Variants in CRB1 observed in about 807,000 individuals in gnomAD.
CRB1 encodes crumbs cell polarity complex component 1, also known as protein crumbs homolog 1.
A neutral mutation model predicts 120.0 loss-of-function variants in CRB1; 83 were observed. The ratio of observed to expected loss-of-function variants is 0.69; its 90% confidence interval spans 0.58 to 0.83. The LOEUF (loss-of-function observed/expected upper bound fraction) is 0.83, where lower values mean the gene tolerates loss of function less well. Among genes scored for constraint, CRB1 ranks in the 40% least tolerant of loss-of-function variants. The pLI, the probability that CRB1 is intolerant of heterozygous loss-of-function variation, is 0.00. For synonymous variants in CRB1, 625 were observed against 612.5 expected (o/e 1.02, Z -0.30); for missense variants, 1,699 against 1,687.6 (o/e 1.01, Z -0.12).
chr1:197,428,933 C>G, intron 7 of CRB1: 4 of 1,512,868 alleles, frequency 2.6e-6, no homozygotes, highest in Non-Finnish European at 3.5e-6. Flanking sequence ...TGTGAGCAAC[C>G]TTGTGAGAAC....
Position 197,435,136 on chromosome 1 carries a change from G to T in CRB1, c.3273G>T (p.Lys1091Asn). The T allele has an allele frequency of 6.2e-7, 1 of 1,613,842 alleles. No individual in the cohort carries two copies. The highest frequency in any genetic ancestry group is 8.5e-7 in the Non-Finnish European group (1 of 1,179,838). Reference sequence around the variant, plus strand: ...GAGACAGAGCTATTGACAATATAAAGGGCCTGCAAGGGTGTCTAAGTACAA... The same window carrying T: ...GAGACAGAGCTATTGACAATATAAATGGCCTGCAAGGGTGTCTAAGTACAA... Reference protein sequence around the residue: ...YVGDRAIDNIKGLQGCLSTIE... With the variant: ...YVGDRAIDNINGLQGCLSTIE... The change falls in exon 9 of 12, where the codon AAG becomes AAT. Residue 1091 changes from lysine (K) to asparagine (N), a missense_variant. Physicochemically the swap from Lys to Asn is moderately conservative, Grantham distance 94. Transcript: ENST00000367400.
intron 2 of CRB1, among the ~76,000 whole-genome samples, chr1:197,341,811 C>G (rs576699135): frequency 2.6e-5 from 4 of 152,142 alleles, no homozygotes; most frequent in Non-Finnish European, 5.9e-5. Context: ...GAGTCCTTAT[C>G]TCCATGATTC....
chr1:197,395,443 G>C (rs1158592769), intron 5 of CRB1, among the ~76,000 whole-genome samples: 1 of 152,112 alleles, frequency 6.6e-6, no homozygotes, highest in African/African-American at 2.4e-5. Context: ...AAGATTGCAT[G>C]ATATGCACTA....
At chr1:197,330,585 C>T (rs572278337) in intron 2 of CRB1, among the ~76,000 whole-genome samples, 197 of 152,316 alleles carry the variant, frequency 1.3e-3, no homozygotes, top group Non-Finnish European at 2.2e-3. Context: ...CCTCACTTCA[C>T]AATGTCTACT....
rs181807834 is a variant in CRB1, at chr1:197,332,753, C to T, written c.652+3750C>T. ...TCTAATGTATAGCCAGGGCTGGCGG[C>T]CAAATATTAAGTTCATGTGAGCTTT... On this transcript the variant is annotated intron_variant, in intron 2 of 11. Transcript: ENST00000367400. Among the ~76,000 whole-genome samples the T allele has an allele frequency of 2.4e-3, 366 of 152,258 alleles. 1 individual carries two copies. The highest frequency in any genetic ancestry group is 8.3e-3 in the African/African-American group (344 of 41,548).
intron 5 of CRB1, among the ~76,000 whole-genome samples, chr1:197,377,420 T>C (rs1240728649): frequency 6.6e-6 from 1 of 152,188 alleles, no homozygotes. Context: ...GACTCTCAGT[T>C]GTAAGCATTG....
intron 5 of CRB1, among the ~76,000 whole-genome samples, chr1:197,366,032 A>G (rs900866693): frequency 6.6e-6 from 1 of 152,124 alleles, no homozygotes; most frequent in African/African-American, 2.4e-5. Flanking sequence ...GTGTTATAGT[A>G]GTATAAAGAA....
intron 4 of CRB1, among the ~76,000 whole-genome samples, chr1:197,352,445 A>G (rs1191729846): frequency 1.3e-5 from 2 of 152,238 alleles, no homozygotes; most frequent in Admixed American, 1.3e-4. Context: ...GAGTCTTAGA[A>G]TGAGAAGAAA....
chr1:197,280,930 A>C (rs1254991758), intron 1 of CRB1, among the ~76,000 whole-genome samples: 1 of 151,912 alleles, frequency 6.6e-6, no homozygotes, highest in Non-Finnish European at 1.5e-5. Context: ...GGATTAAAAA[A>C]TTTAATATGT....
chr1:197,337,939 G>C (rs1347061297), intron 2 of CRB1, among the ~76,000 whole-genome samples: 1 of 151,854 alleles, frequency 6.6e-6, no homozygotes, highest in South Asian at 2.1e-4. Context: ...TCCTAATGAA[G>C]AGAAACATAA....
the CRB1 span, among the ~76,000 whole-genome samples, chr1:197,254,240 G>A: frequency 3.9e-5 from 6 of 152,022 alleles, no homozygotes; most frequent in Admixed American, 1.3e-4. Context: ...ACCCAAGTTC[G>A]CCAAAGTAAA....
chr1:197,354,659 G>A (rs1465115365), intron 4 of CRB1, among the ~76,000 whole-genome samples: 1 of 152,036 alleles, frequency 6.6e-6, no homozygotes, highest in Non-Finnish European at 1.5e-5. Context: ...CATGGTGAGT[G>A]CTACAGCTCA....
At position 197,386,113 on chromosome 1, in the gene CRB1, G is replaced by A. The variant is rs544992947; in HGVS notation, c.1171+29100G>A. Among the ~76,000 whole-genome samples the A allele has an allele frequency of 3.3e-5, 5 of 152,058 alleles. No homozygotes were observed. In the South Asian group the frequency reaches 6.2e-4, roughly 19 times the overall value. On this transcript the variant is annotated intron_variant, in intron 5 of 11. Coordinates refer to ENST00000367400, the MANE Select transcript of CRB1 (RefSeq NM_201253.3). ...TGTACAAATTCCCCCAGTAGTGGGG[G>A]GTAAAACACTACCCCTGAAATCACA...
At chr1:197,376,014 A>T (rs1221297709) in intron 5 of CRB1, among the ~76,000 whole-genome samples, 1 of 152,156 alleles carries the variant, frequency 6.6e-6, no homozygotes, top group African/African-American at 2.4e-5. Flanking sequence ...TCCTTATCTT[A>T]ACTGGCCTCT....
intron 1 of CRB1, among the ~76,000 whole-genome samples, chr1:197,314,331 C>G (rs1558047554): frequency 1.3e-5 from 2 of 152,170 alleles, no homozygotes. Flanking sequence ...TTCTTCATTT[C>G]AGATATTTTA....
chr1:197,297,044 T>G (rs981241005), intron 1 of CRB1, among the ~76,000 whole-genome samples: 1 of 152,034 alleles, frequency 6.6e-6, no homozygotes, highest in Admixed American at 6.6e-5. Flanking sequence ...TATTCTCTAG[T>G]CCTATTAGGT....
chr1:197,374,274 T>C (rs1168217814), intron 5 of CRB1, among the ~76,000 whole-genome samples: 1 of 152,110 alleles, frequency 6.6e-6, no homozygotes, highest in Admixed American at 6.6e-5. Flanking sequence ...TATCCCCCAG[T>C]TGGGAGTGCA....
At chr1:197,251,197 C>G in the CRB1 span, among the ~76,000 whole-genome samples, 1 of 152,018 alleles carries the variant, frequency 6.6e-6, no homozygotes, top group African/African-American at 2.4e-5. Flanking sequence ...TGCTTAACTT[C>G]TCTGTATTTT....
At chr1:197,466,000 C>A (rs971872306) in intron 11 of CRB1, among the ~76,000 whole-genome samples, 1 of 152,174 alleles carries the variant, frequency 6.6e-6, no homozygotes, top group Non-Finnish European at 1.5e-5. Context: ...TGACGCCACA[C>A]TTTATCACTT....
Sources: gnomAD v4.1 joint callset for allele counts (sites outside exome capture counted in the v4.1 genomes callset) on GRCh38, gnomAD v4.1.1 for gene constraint, MANE v1.5 for transcripts, NCBI Gene and HGNC (gene_info 2026-07-23, HGNC 2026-07-21) for gene names.